CDC42BPA: variants seen among roughly 807,000 people sequenced by gnomAD.
CDC42BPA encodes CDC42 binding protein kinase alpha, also known as serine/threonine-protein kinase MRCK alpha.
A neutral mutation model predicts 223.5 loss-of-function variants in CDC42BPA; 80 were observed. The ratio of observed to expected loss-of-function variants is 0.36; its 90% CI spans 0.30 to 0.43. The LOEUF is 0.43. Among genes scored for constraint, CDC42BPA ranks in the 20% least tolerant of loss-of-function variants. The probability of loss-of-function intolerance (pLI) is 1.00; values close to 1 mark genes in which losing one functional copy is unlikely to be tolerated. For synonymous variants in CDC42BPA, 694 were observed against 718.6 expected (o/e 0.97, Z 0.55); for missense variants, 1,743 against 2,099.9 (o/e 0.83, Z 3.32).
Position 226,992,639 on chromosome 1 carries a change from T to C in CDC42BPA, c.*1629A>G, listed in dbSNP as rs747195990. 1.3e-4 allele frequency: 20 copies of C among 152,258 alleles called. No homozygotes were observed. The highest frequency in any genetic ancestry group is 2.5e-4 in the Non-Finnish European group (17 of 68,042). The allele number at this position is 152,258 out of a possible 1,614,324, so 9.4% of individuals were successfully genotyped here. A position where few individuals can be genotyped will look rare whatever the true frequency, so the allele number is the denominator to read the frequency against. ...AGCAACTGCAGGAAAACTTTCTTCA[T>C]TTTCACTGAATTTTAAAGAGAGAAT... On this transcript the variant is annotated 3_prime_UTR_variant, in exon 37 of 37. Transcript: ENST00000366766.
At chr1:227,067,085 T>G (rs1677241232) in intron 21 of CDC42BPA, among the ~76,000 whole-genome samples, 1 of 152,194 alleles carries the variant, frequency 6.6e-6, no homozygotes, top group Admixed American at 6.5e-5. Flanking sequence ...GGAGTTCCCT[T>G]GCAGTGCAAT....
At chr1:227,107,723 G>A (rs944722692) in intron 14 of CDC42BPA, among the ~76,000 whole-genome samples, 1 of 152,148 alleles carries the variant, frequency 6.6e-6, no homozygotes, top group African/African-American at 2.4e-5. Context: ...GTGGAGTGCA[G>A]GAGGGTCTGT....
chr1:227,193,591 G>C (rs1572259516), intron 5 of CDC42BPA, 195 bp downstream of exon 5: 3 of 529,898 alleles, frequency 5.7e-6, no homozygotes, highest in Non-Finnish European at 6.6e-6. Flanking sequence ...TGTATAAGCA[G>C]GCACATCGGT....
At chr1:227,016,646 T>C (rs1237284256) in intron 33 of CDC42BPA, among the ~76,000 whole-genome samples, 1 of 146,750 alleles carries the variant, frequency 6.8e-6, no homozygotes, top group Non-Finnish European at 1.5e-5. Flanking sequence ...GCTTATACTG[T>C]AGAAAGGTAC....
At chr1:227,159,133 T>C (rs1178222924) in intron 6 of CDC42BPA, among the ~76,000 whole-genome samples, 3 of 152,212 alleles carry the variant, frequency 2.0e-5, no homozygotes, top group Non-Finnish European at 1.5e-5. Context: ...AATCCCTCTA[T>C]CATGGCCAGA....
intron 21 of CDC42BPA, among the ~76,000 whole-genome samples, chr1:227,055,424 A>G (rs1182967758): frequency 6.6e-6 from 1 of 152,140 alleles, no homozygotes; most frequent in African/African-American, 2.4e-5. Context: ...CTATCCACTA[A>G]AAAGCAATTA....
chr1:227,004,672 G>T (rs761399095), intron 35 of CDC42BPA: 75 of 338,782 alleles, frequency 2.2e-4, no homozygotes, highest in Middle Eastern at 1.9e-3. Flanking sequence ...GCCAAGTAGG[G>T]ATTCATCCCT....
chr1:227,171,648 T>A lies in CDC42BPA; in HGVS notation c.600-11012A>T, dbSNP rs538356320. On this transcript the variant is annotated intron_variant, in intron 5 of 36. Transcript: ENST00000366766. ...AAAGCATTCTAAAACAACGATTACA[T>A]TGAAAGGGCAACATTCTATGGGTGA... is the stretch of plus-strand genomic sequence containing the variant. Among the ~76,000 whole-genome samples, 257 of 151,922 alleles carry A rather than the reference T, an allele frequency of 1.7e-3. 3 individuals carry two copies. The highest frequency in any genetic ancestry group is 5.4e-3 in the African/African-American group (223 of 41,400).
chr1:227,211,773 G>A (rs1360749145), intron 3 of CDC42BPA, among the ~76,000 whole-genome samples: 1 of 151,862 alleles, frequency 6.6e-6, no homozygotes. Flanking sequence ...AAGGTGGGAG[G>A]GTGGGAAGGG....
At chr1:227,187,686 C>G (rs1352916384) in intron 5 of CDC42BPA, among the ~76,000 whole-genome samples, 3 of 81,908 alleles carry the variant, frequency 3.7e-5, no homozygotes, top group Non-Finnish European at 6.9e-5. Context: ...CCCACCCCCC[C>G]CCCAAAAAAA....
intron 11 of CDC42BPA, among the ~76,000 whole-genome samples, chr1:227,128,070 G>T (rs1408378463): frequency 2.0e-5 from 3 of 152,090 alleles, no homozygotes; most frequent in Non-Finnish European, 4.4e-5. Context: ...AGGCTCTACT[G>T]ATCAGGCAAC....
At chr1:227,276,396 G>A (rs568766155) in intron 1 of CDC42BPA, among the ~76,000 whole-genome samples, 18 of 151,128 alleles carry the variant, frequency 1.2e-4, no homozygotes, top group Middle Eastern at 3.6e-3. Context: ...CAGCCGCCCC[G>A]TCTGGGAAGT....
intron 1 of CDC42BPA, among the ~76,000 whole-genome samples, chr1:227,292,799 C>T (rs1458689145): frequency 6.6e-6 from 1 of 152,192 alleles, no homozygotes; most frequent in African/African-American, 2.4e-5. Flanking sequence ...ATTTATTGAA[C>T]TTAATTACTG....
At chr1:227,071,157 G>C (rs7549520) in intron 20 of CDC42BPA, among the ~76,000 whole-genome samples, 95,898 of 151,592 alleles carry the variant, frequency 0.63, 30,468 homozygotes, top group East Asian at 0.72. Context: ...ATTGAGCATC[G>C]ACTATTTGTA....
At chr1:227,087,937 C>T (rs1439363620) in intron 16 of CDC42BPA, among the ~76,000 whole-genome samples, 1 of 151,922 alleles carries the variant, frequency 6.6e-6, no homozygotes, top group Non-Finnish European at 1.5e-5. Flanking sequence ...TTTTATAGCC[C>T]TTCCACATTT....
At chr1:227,160,727 T>G in intron 5 of CDC42BPA, 91 bp from the exon 6 acceptor site, 1 of 707,722 alleles carries the variant, frequency 1.4e-6, no homozygotes, top group Non-Finnish European at 2.4e-6. Flanking sequence ...AAATCTCAAC[T>G]TATTTTAAAA....
intron 34 of CDC42BPA, among the ~76,000 whole-genome samples, chr1:227,005,618 C>A (rs1663867720): frequency 6.6e-6 from 1 of 152,212 alleles, no homozygotes; most frequent in African/African-American, 2.4e-5. Context: ...TACTGACTCA[C>A]ACCAATAGTA....
chr1:227,018,935 T>C (rs554516539), intron 32 of CDC42BPA, among the ~76,000 whole-genome samples: 2 of 152,352 alleles, frequency 1.3e-5, no homozygotes, highest in Admixed American at 6.5e-5. Flanking sequence ...CTTACCTCGA[T>C]GTGGATAAGC....
intron 11 of CDC42BPA, among the ~76,000 whole-genome samples, chr1:227,123,049 T>C: frequency 6.6e-6 from 1 of 152,226 alleles, no homozygotes; most frequent in African/African-American, 2.4e-5. Flanking sequence ...ATGCCTGTAA[T>C]CCTAGCACTT....
Sources: gnomAD v4.1 joint callset for allele counts (sites outside exome capture counted in the v4.1 genomes callset) on GRCh38, gnomAD v4.1.1 for gene constraint, MANE v1.5 for transcripts, NCBI Gene and HGNC (gene_info 2026-07-23, HGNC 2026-07-21) for gene names.